Variants in SGO2 observed in about 807,000 individuals in gnomAD.
The protein encoded by SGO2 is shugoshin 2.
SGO2 carries 68 observed loss-of-function variants against 99.5 expected under a neutral mutation model. That is an observed-to-expected ratio of 0.68 (90% CI 0.56 to 0.84). The LOEUF (loss-of-function observed/expected upper bound fraction) is 0.84. Ranked by LOEUF, SGO2 falls within the 40% of genes least tolerant of loss-of-function variation. The pLI, the probability that SGO2 is intolerant of heterozygous loss-of-function variation, is 0.00. For missense variants in SGO2, 1,350 were observed against 1,436.7 expected (o/e 0.94, Z 0.97); for synonymous variants, 457 against 487.1 (o/e 0.94, Z 0.81).
chr2:200,540,994 G>A (rs185866435), intron 4 of SGO2, among the ~76,000 whole-genome samples: 1 of 151,908 alleles, frequency 6.6e-6, no homozygotes, highest in Non-Finnish European at 1.5e-5. Flanking sequence ...AGAGCATGAT[G>A]CTGACATCTG....
chr2:200,575,263 C>T, intron 7 of SGO2, 48 bp from the exon 8 acceptor site: 1 of 1,229,404 alleles, frequency 8.1e-7, no homozygotes, highest in Non-Finnish European at 1.1e-6. Context: ...CTATTTGTAT[C>T]TCTATATACT....
At chr2:200,535,296 CATGTAAGTCTATGTCAAAGTACAA>C (rs2031639750) in intron 3 of SGO2, 125 bp downstream of exon 3, 3 of 806,132 alleles carry the variant, frequency 3.7e-6, no homozygotes, top group Non-Finnish European at 5.5e-6. Flanking sequence ...GTCAGTATAC[CATGTAAGTCTATGTCAAAGTACAA>C]ACTGTTAATG....
intron 4 of SGO2, among the ~76,000 whole-genome samples, chr2:200,536,879 G>A (rs985602609): frequency 1.3e-5 from 2 of 152,034 alleles, no homozygotes; most frequent in Non-Finnish European, 2.9e-5. Context: ...GCTTTTGTCC[G>A]CCTTCAGCTA....
At chr2:200,554,566 C>T (rs1275189903) in intron 5 of SGO2, among the ~76,000 whole-genome samples, 2 of 152,104 alleles carry the variant, frequency 1.3e-5, no homozygotes, top group Admixed American at 6.5e-5. Context: ...AAGCCACAAT[C>T]GACAAGGAAA....
At chr2:200,541,588 C>T (rs1381545460) in intron 4 of SGO2, among the ~76,000 whole-genome samples, 1 of 152,004 alleles carries the variant, frequency 6.6e-6, no homozygotes, top group Non-Finnish European at 1.5e-5. Context: ...TATTTTTTTC[C>T]TGAGTCTCTA....
At position 200,570,217 on chromosome 2, in the gene SGO2, A is replaced by G; in HGVS notation, c.703+325A>G. On this transcript the variant is annotated intron_variant, in intron 6 of 8. Coordinates refer to ENST00000357799, the MANE Select transcript of SGO2 (RefSeq NM_152524.6). This position sits in a 1 kb window ranked among gnomAD's most constrained non-coding sequence, Gnocchi z 4.4. ...TTAGTTTTACCCTCTTTTTTTGTAG[A>G]TATGAAAATTGGGGGCCTAGATAGG... The G allele has an allele frequency of 3.4e-6, 1 of 293,266 alleles. No homozygotes were observed. The highest frequency in any genetic ancestry group is 6.2e-6 in the Non-Finnish European group (1 of 160,718). The allele number at this position is 293,266 out of a possible 1,614,324, so 18.2% of individuals were successfully genotyped here. A position where few individuals can be genotyped will look rare whatever the true frequency, so the allele number is the denominator to read the frequency against.
chr2:200,562,379 T>C (rs1331505197), intron 5 of SGO2, among the ~76,000 whole-genome samples: 5 of 152,202 alleles, frequency 3.3e-5, no homozygotes, highest in Non-Finnish European at 5.9e-5. Context: ...ATGTGTGGTA[T>C]TATTTTTGAG....
intron 5 of SGO2, among the ~76,000 whole-genome samples, chr2:200,557,798 ATTTG>A (rs200338264): frequency 0.012 from 1,653 of 143,262 alleles, 37 homozygotes; most frequent in African/African-American, 0.04. Flanking sequence ...CTTTTCTTTT[ATTTG>A]TTTGTTTGTT....
chr2:200,544,069 AT>A (rs1411359581), intron 5 of SGO2, among the ~76,000 whole-genome samples: 4 of 152,174 alleles, frequency 2.6e-5, no homozygotes, highest in African/African-American at 9.7e-5. Flanking sequence ...AGATCAATTA[AT>A]TTTACATGGT....
chr2:200,569,302 TA>T, intron 5 of SGO2, among the ~76,000 whole-genome samples: 1 of 152,168 alleles, frequency 6.6e-6, no homozygotes, highest in Non-Finnish European at 1.5e-5. Context: ...GATTTTTGGG[TA>T]TTACATAGAA....
chr2:200,551,361 A>G (rs2032477233), intron 5 of SGO2, among the ~76,000 whole-genome samples: 1 of 152,168 alleles, frequency 6.6e-6, no homozygotes, highest in African/African-American at 2.4e-5. Flanking sequence ...GTTAAGTGAA[A>G]TAAACCAAGC....
At chr2:200,582,428 G>A (rs1574893924) in intron 8 of SGO2, among the ~76,000 whole-genome samples, 1 of 151,998 alleles carries the variant, frequency 6.6e-6, no homozygotes, top group Admixed American at 6.6e-5. Flanking sequence ...CTCAGTAAAA[G>A]AGCAAACTAA....
Position 200,573,121 on chromosome 2 carries a change from G to A in SGO2, c.2775G>A (p.Glu925=). ...TTTCTGAAATGAACCAGATATATGA[G>A]GATAATGATAAAGATGCACATGTCC... ...EIISEMNQIY[E]DNDKDAHVQE... is the part of the protein sequence containing the mutation. Residue 925 remains glutamate (E), a synonymous_variant, in exon 7 of 9, where the codon GAG becomes GAA. Coordinates refer to ENST00000357799, the MANE Select transcript of SGO2 (RefSeq NM_152524.6). 6.3e-7 allele frequency: 1 copy of A among 1,591,274 alleles called. No homozygotes were observed. The highest frequency in any genetic ancestry group is 8.5e-7 in the Non-Finnish European group (1 of 1,174,040).
intron 4 of SGO2, among the ~76,000 whole-genome samples, chr2:200,541,150 G>A (rs565798241): frequency 2.6e-5 from 4 of 152,274 alleles, no homozygotes; most frequent in Admixed American, 6.5e-5. Context: ...ACCTCTTAAA[G>A]GTCCTGCCTC....
intron 4 of SGO2, among the ~76,000 whole-genome samples, chr2:200,541,911 T>C (rs533010285): frequency 6.6e-6 from 1 of 152,366 alleles, no homozygotes; most frequent in South Asian, 2.1e-4. Context: ...ATCATTATGC[T>C]AATACTGTAC....
intron 5 of SGO2, among the ~76,000 whole-genome samples, chr2:200,552,771 G>T (rs924164557): frequency 2.6e-5 from 4 of 152,100 alleles, no homozygotes; most frequent in Non-Finnish European, 4.4e-5. Context: ...TTTACTGCAG[G>T]CTGTTTTATC....
intron 5 of SGO2, among the ~76,000 whole-genome samples, chr2:200,564,727 T>C (rs1377601839): frequency 6.6e-6 from 1 of 152,230 alleles, no homozygotes; most frequent in Non-Finnish European, 1.5e-5. Context: ...AGGACTTGCT[T>C]TATGAATCTG....
In SGO2 at chr2:200,570,540, C is replaced by T. The variant is rs900824572; in HGVS notation, c.704-510C>T. On this transcript the variant is annotated intron_variant, in intron 6 of 8. Transcript: ENST00000357799. The surrounding 1 kb of genome is among the most constrained non-coding windows in gnomAD (Gnocchi z 4.4). ...TATGTATATGTATATAATATATACA[C>T]ACACACATATATACACACATATATA... Among the ~76,000 whole-genome samples, 4 of 141,532 alleles carry T rather than the reference C, an allele frequency of 2.8e-5. No homozygotes were observed. The highest frequency in any genetic ancestry group is 1.0e-4 in the African/African-American group (4 of 39,418). The allele number at this position is 141,532 out of a possible 152,430, so 92.9% of individuals were successfully genotyped here.
chr2:200,541,887 G>A (rs1250191735), intron 4 of SGO2, among the ~76,000 whole-genome samples: 1 of 152,178 alleles, frequency 6.6e-6, no homozygotes, highest in African/African-American at 2.4e-5. Flanking sequence ...CTATGTCATT[G>A]ATCTATTTGT....
Sources: gnomAD v4.1 joint callset for allele counts (sites outside exome capture counted in the v4.1 genomes callset) on GRCh38, gnomAD v4.1.1 for gene constraint, Gnocchi (gnomAD v3.1) non-coding constraint, MANE v1.5 for transcripts, NCBI Gene and HGNC (gene_info 2026-07-23, HGNC 2026-07-21) for gene names.